The following TMEM222 variants were observed in gnomAD, a reference collection of about 807,000 sequenced individuals.
TMEM222 encodes transmembrane protein 222.
In TMEM222, 18 loss-of-function variants were observed where a neutral mutation model predicts 25.1. The observed-to-expected ratio is 0.72, with a 90% CI of 0.50 to 1.06. TMEM222 has a LOEUF of 1.06. Among genes scored for constraint, TMEM222 ranks in the 50% least tolerant of loss-of-function variants. TMEM222 has a pLI of 0.00. For synonymous variants in TMEM222, 131 were observed against 117.9 expected (o/e 1.11, Z -0.72); for missense variants, 296 against 293.7 (o/e 1.01, Z -0.06).
At chr1:27,330,212 C>A (rs2014446998) in intron 1 of TMEM222, among the ~76,000 whole-genome samples, 1 of 151,510 alleles carries the variant, frequency 6.6e-6, no homozygotes, top group Non-Finnish European at 1.5e-5. Flanking sequence ...TCCTGGCCAA[C>A]ATGGTGAAAC....
rs1557519324 is a variant in TMEM222 at position 27,322,303 on chromosome 1, CA to C, written c.108del (p.Gln36HisfsTer117). 1 of 1,563,650 alleles carries C rather than the reference CA, an allele frequency of 6.4e-7. No homozygotes were observed. The highest frequency in any genetic ancestry group is 2.4e-5 in the East Asian group (1 of 40,916). On this transcript the variant is annotated frameshift_variant, in exon 1 of 6. Transcript: ENST00000374076. LOFTEE classifies it high-confidence loss of function. The part of the protein sequence containing the change: ...APTAAETDMK[Q>X]YQGSGGVAMD... ...GACGGCGGCCGAGACGGACATGAAG[CA>C]ATATCAAGGCTCCGGCGGCGTCGCC... is the stretch of plus-strand genomic sequence containing the variant.
At chr1:27,330,905 C>A in intron 2 of TMEM222, 101 bp downstream of exon 2, 1 of 1,586,314 alleles carries the variant, frequency 6.3e-7, no homozygotes, top group Admixed American at 1.7e-5. Flanking sequence ...CCCAGGAGAA[C>A]GTAGATAACC....
chr1:27,335,232 T>G, intron 5 of TMEM222, 147 bp from the exon 6 acceptor site: 1 of 753,854 alleles, frequency 1.3e-6, no homozygotes, highest in Non-Finnish European at 2.3e-6. Context: ...GCCTGCTTCC[T>G]TGATTGGCCA....
rs764773517 is a variant in TMEM222 at position 27,335,632 on chromosome 1, G to T, written c.*166G>T. The T allele has an allele frequency of 7.5e-6, 5 of 663,772 alleles. No individual in the cohort carries two copies. Among genetic ancestry groups the T allele is most frequent in the Non-Finnish European group, 1.3e-5 (5 of 382,252 alleles). The allele number at this position is 663,772 out of a possible 1,614,324, so 41.1% of individuals were successfully genotyped here. ...GAAGGACTGAGGACCAGCATGAAGT[G>T]GGGGTTTGTTGTCTCCCTGCCTCTC... On this transcript the variant is annotated 3_prime_UTR_variant, in exon 6 of 6. Transcript: ENST00000374076.
rs2014331565 is a variant in TMEM222 at position 27,325,804 on chromosome 1, G to T, written c.194+3413G>T. 4 of 799,548 alleles carry T rather than the reference G, an allele frequency of 5.0e-6. No homozygotes were observed. In the South Asian group the frequency reaches 5.3e-5, roughly 11 times the overall value. The allele number at this position is 799,548 out of a possible 1,614,324, so 49.5% of individuals were successfully genotyped here. ...CACCGCAAATGCTTCTAAATGGACT[G>T]CGAGCCGATGCGTAGCATTTGCTGC... On this transcript the variant is annotated intron_variant, in intron 1 of 5. Transcript: ENST00000374076.
rs1032627300 is a variant in TMEM222 at position 27,335,521 on chromosome 1, C to T, written c.*55C>T. 21 of 1,578,364 alleles carry T rather than the reference C, an allele frequency of 1.3e-5. No homozygotes were observed. The highest frequency in any genetic ancestry group is 4.0e-5 in the African/African-American group (3 of 74,216). ...GGTCCCGAGGAAACAGCCGCCATCC[C>T]TTTTGGTTCCAGATTTTTTTCTCCT... On this transcript the variant is annotated 3_prime_UTR_variant, in exon 6 of 6. Transcript: ENST00000374076.
At chr1:27,334,937 G>T in intron 5 of TMEM222, 1 of 544,150 alleles carries the variant, frequency 1.8e-6, no homozygotes, top group Non-Finnish European at 2.5e-6. Context: ...CTTGGCTCCA[G>T]CCACAACACT....
rs113210734 is a variant in TMEM222, at chr1:27,322,242, G to A, written c.45G>A (p.Pro15=). The A allele has an allele frequency of 6.3e-3, 9,269 of 1,469,368 alleles. 50 individuals are homozygous for A. Among genetic ancestry groups the A allele is most frequent in the Admixed American group, 0.023 (868 of 37,450 alleles). The allele number at this position is 1,469,368 out of a possible 1,614,324, so 91.0% of individuals were successfully genotyped here. A position where few individuals can be genotyped will look rare whatever the true frequency, so the allele number is the denominator to read the frequency against. The change falls in exon 1 of 6, where the codon CCG becomes CCA. Residue 15 remains proline (P), a synonymous_variant. Transcript: ENST00000374076. ...GTTCTCTGCTCTTGTTGCCGCCGCC[G>A]CCACCCCCGCCCAGGATGGCGGAAG... is the stretch of plus-strand genomic sequence containing the variant. ...EGSSLLLLPP[P]PPPPRMAEVE...
chr1:27,329,660 T>C (rs557353463), intron 1 of TMEM222, among the ~76,000 whole-genome samples: 51 of 152,378 alleles, frequency 3.3e-4, no homozygotes, highest in African/African-American at 1.2e-3. Flanking sequence ...TTTTATTGAA[T>C]TATAGTTTAC....
At position 27,335,707 on chromosome 1, in the gene TMEM222, G is replaced by T. The variant is rs972214808; in HGVS notation, c.*241G>T. ...CAGGCCTGTGACTCCGGCCCTGGAA[G>T]CCCCTTTGTTCTTCTGTTGAAAGGC... On this transcript the variant is annotated 3_prime_UTR_variant, in exon 6 of 6. Transcript: ENST00000374076. 1 of 564,754 alleles carries T rather than the reference G, an allele frequency of 1.8e-6. No homozygotes were observed. The highest frequency in any genetic ancestry group is 3.2e-6 in the Non-Finnish European group (1 of 314,728). 35.0% of individuals were successfully genotyped at this position (564,754 alleles called of 1,614,324 possible).
At position 27,322,310 on chromosome 1, in the gene TMEM222, A is replaced by C. The variant is rs772212597; in HGVS notation, c.113A>C (p.Gln38Pro). ...TAAETDMKQY[Q>P]GSGGVAMDVE... ...GCCGAGACGGACATGAAGCAATATCAAGGCTCCGGCGGCGTCGCCATGGAT... is the reference window on the plus strand; with the variant it reads ...GCCGAGACGGACATGAAGCAATATCCAGGCTCCGGCGGCGTCGCCATGGAT... The change falls in exon 1 of 6, where the codon CAA (glutamine) becomes CCA (proline). Residue 38 changes from glutamine to proline, a missense_variant. Transcript: ENST00000374076. 4 of 1,557,998 alleles carry C rather than the reference A, an allele frequency of 2.6e-6. No homozygotes were observed. The African/African-American group carries it at 5.6e-5, about 22-fold the overall frequency.
At chr1:27,335,162 C>T (rs749500548) in intron 5 of TMEM222, 23 of 587,042 alleles carry the variant, frequency 3.9e-5, no homozygotes, top group Middle Eastern at 4.6e-4. Context: ...ACCAGGAGCG[C>T]GGAGCAGCCC....
chr1:27,333,151 G>A, intron 3 of TMEM222: 1 of 362,600 alleles, frequency 2.8e-6, no homozygotes, highest in South Asian at 2.0e-5. Flanking sequence ...CCCGCGTGAT[G>A]TGGCCTCACC....
chr1:27,323,250 C>T (rs551130119), intron 1 of TMEM222, among the ~76,000 whole-genome samples: 7 of 152,192 alleles, frequency 4.6e-5, no homozygotes, highest in Non-Finnish European at 7.3e-5. Flanking sequence ...GCATGAAGAG[C>T]TCAGTCTTCT....
intron 3 of TMEM222, chr1:27,333,190 C>A: frequency 2.6e-6 from 1 of 383,848 alleles, no homozygotes. Context: ...TGCCAGCATT[C>A]CATCACCGTG....
In TMEM222 at chr1:27,336,216, G is replaced by T. The variant is rs1412174133; in HGVS notation, c.*750G>T. On this transcript the variant is annotated 3_prime_UTR_variant, in exon 6 of 6. Transcript: ENST00000374076. The stretch of plus-strand genomic sequence containing the variant: ...AGGTGTGGACCTCATGCTGGTGATG[G>T]CTCCCCTGGGTGGCCTGCCAGCACA... 6.6e-6 allele frequency: 1 copy of T among 152,410 alleles called. No individual in the cohort carries two copies. Among genetic ancestry groups the T allele is most frequent in the South Asian group, 2.1e-4 (1 of 4,838 alleles). The allele number at this position is 152,410 out of a possible 1,614,324, so 9.4% of individuals were successfully genotyped here. A position where few individuals can be genotyped will look rare whatever the true frequency, so the allele number is the denominator to read the frequency against.
In TMEM222 at chr1:27,334,131, A is replaced by G; in HGVS notation, c.409-20A>G. The G allele has an allele frequency of 6.2e-7, 1 of 1,614,122 alleles. No individual in the cohort carries two copies. Among genetic ancestry groups the G allele is most frequent in the South Asian group, 1.1e-5 (1 of 91,086 alleles). ...GGCTCCCCTGCAGCCCATCCTGACC[A>G]GCCCTTCTGGTGCCTCCAGCACAAT... is the stretch of plus-strand genomic sequence containing the variant. On this transcript the variant is annotated intron_variant, in intron 4 of 5. Transcript: ENST00000374076.
At chr1:27,335,288 C>G in intron 5 of TMEM222, 91 bp from the exon 6 acceptor site, 1 of 1,290,488 alleles carries the variant, frequency 7.7e-7, no homozygotes, top group Non-Finnish European at 1.1e-6. Context: ...GGATGGCAGC[C>G]CTATTGGGGT....
chr1:27,333,761 C>T (rs2014537416), intron 3 of TMEM222, 197 bp from the exon 4 acceptor site: 2 of 595,152 alleles, frequency 3.4e-6, no homozygotes, highest in Non-Finnish European at 6.0e-6. Context: ...TCCATATCCC[C>T]CCAGGATCCC....
Sources: allele counts gnomAD v4.1 joint callset (sites outside exome capture counted in the v4.1 genomes callset), GRCh38; gene constraint gnomAD v4.1.1; transcripts MANE v1.5; gene names NCBI Gene and HGNC (gene_info 2026-07-23, HGNC 2026-07-21).